Variants in MIOS observed in about 807,000 individuals in gnomAD.
The protein encoded by MIOS is meiosis regulator for oocyte development, also known as GATOR2 complex protein MIOS.
MIOS carries 52 observed loss-of-function variants against 96.9 expected under a neutral mutation model. The observed-to-expected ratio is 0.54, with a 90% CI of 0.43 to 0.68. The LOEUF (loss-of-function observed/expected upper bound fraction) is 0.68. Among genes scored for constraint, MIOS ranks in the 30% least tolerant of loss-of-function variants. The pLI, the probability that MIOS is intolerant of heterozygous loss-of-function variation, is 0.00. For synonymous variants in MIOS, 397 were observed against 359.5 expected (o/e 1.10, Z -1.18); for missense variants, 1,005 against 1,052.8 (o/e 0.95, Z 0.63).
intron 11 of MIOS, among the ~76,000 whole-genome samples, chr7:7,599,317 TC>T (rs1784303167): frequency 6.6e-6 from 1 of 152,188 alleles, no homozygotes; most frequent in Non-Finnish European, 1.5e-5. Context: ...GCTTTAGACT[TC>T]CCTCAAGGTG....
At position 7,607,207 on chromosome 7, in the gene MIOS, T is replaced by C. The variant is rs2115520007; in HGVS notation, c.*115T>C. On this transcript the variant is annotated 3_prime_UTR_variant, in exon 13 of 13. Coordinates refer to ENST00000340080, the MANE Select transcript of MIOS (RefSeq NM_019005.4). ...TCATGACTTACCTGTAATGGGAAAATAAATCATTCTATCAGATCAGCAGTT... is the reference window on the plus strand; with the variant it reads ...TCATGACTTACCTGTAATGGGAAAACAAATCATTCTATCAGATCAGCAGTT... The C allele has an allele frequency of 1.5e-6, 1 of 689,388 alleles. No homozygotes were observed. The highest frequency in any genetic ancestry group is 2.6e-4 in the Middle Eastern group (1 of 3,892). 42.7% of individuals were successfully genotyped at this position (689,388 alleles called of 1,614,324 possible).
Position 7,587,480 on chromosome 7 carries a change from T to A in MIOS, c.1819-1018T>A, listed in dbSNP as rs1373380304. ...GCTATTTAAAAAATGTTAATAGTAA[T>A]GTGAAAAGTACTGAATTGGGAAGTC... On this transcript the variant is annotated intron_variant, in intron 7 of 12. Transcript: ENST00000340080. Among the ~76,000 whole-genome samples the A allele has an allele frequency of 3.3e-5, 5 of 152,340 alleles. No individual in the cohort carries two copies. In the East Asian group the frequency reaches 7.7e-4, roughly 23 times the overall value.
At chr7:7,588,916 T>G (rs1783968181) in intron 8 of MIOS, among the ~76,000 whole-genome samples, 1 of 152,106 alleles carries the variant, frequency 6.6e-6, no homozygotes, top group Non-Finnish European at 1.5e-5. Context: ...GAAATGCATG[T>G]AAACAACCAG....
Position 7,572,936 on chromosome 7 carries a change from A to C in MIOS, c.461A>C (p.Asp154Ala). The part of the protein sequence containing the change: ...IWDICSKYTP[D>A]IVPMEKVKLS... ...GATATCTGCAGCAAATATACTCCTG[A>C]TATAGTTCCCATGGAAAAAGTGAAA... The change falls in exon 4 of 13, where the codon GAT (aspartate) becomes GCT (alanine). Residue 154 changes from aspartate (D) to alanine (A), a missense_variant. Asp to Ala is a moderately radical substitution (Grantham distance 126). Transcript: ENST00000340080. The surrounding 1 kb of genome is among the most constrained non-coding windows in gnomAD (Gnocchi z 4.8). 6.2e-7 allele frequency: 1 copy of C among 1,614,142 alleles called. No individual in the cohort carries two copies. Among genetic ancestry groups the C allele is most frequent in the Non-Finnish European group, 8.5e-7 (1 of 1,180,006 alleles).
intron 11 of MIOS, among the ~76,000 whole-genome samples, chr7:7,603,205 A>G (rs1321356822): frequency 7.9e-5 from 12 of 152,052 alleles, no homozygotes; most frequent in Middle Eastern, 3.2e-3. Context: ...AAAAGCCAAA[A>G]TTGACAAATG....
intron 5 of MIOS, among the ~76,000 whole-genome samples, chr7:7,577,197 G>A (rs898066530): frequency 2.6e-5 from 4 of 152,172 alleles, no homozygotes; most frequent in Non-Finnish European, 4.4e-5. Context: ...GACAAAAACC[G>A]CAATCACTTT....
rs765448861 is a variant in MIOS at position 7,573,125 on chromosome 7, G to T, written c.650G>T (p.Ser217Ile). ...NLAIFDLRNT[S>I]QKMFVNTKAV... is the part of the protein sequence containing the mutation. ...GCTATATTTGATCTTCGGAATACAA[G>T]CCAAAAGATGTTCGTAAATACAAAA... Residue 217 changes from serine (S) to isoleucine (I), a missense_variant, in exon 4 of 13, where the codon AGC becomes ATC. Physicochemically the swap from Ser to Ile is moderately radical, Grantham distance 142. Coordinates refer to ENST00000340080, the MANE Select transcript of MIOS (RefSeq NM_019005.4). The surrounding 1 kb of genome is among the most constrained non-coding windows in gnomAD (Gnocchi z 5.0). 6.2e-7 allele frequency: 1 copy of T among 1,613,932 alleles called. No individual in the cohort carries two copies. The highest frequency in any genetic ancestry group is 1.3e-5 in the African/African-American group (1 of 74,878).
At chr7:7,567,800 G>T (rs1783195940) in intron 2 of MIOS, 112 bp downstream of exon 2, 1 of 152,202 alleles carries the variant, frequency 6.6e-6, no homozygotes, top group Non-Finnish European at 1.5e-5. Context: ...GGATTGAGAT[G>T]TGCTATAAGT....
At chr7:7,606,163 A>G in intron 12 of MIOS, 92 bp downstream of exon 12, 1 of 1,494,636 alleles carries the variant, frequency 6.7e-7, no homozygotes, top group East Asian at 2.3e-5. Flanking sequence ...ATTAGCATTT[A>G]GCCAAAGTAT....
chr7:7,595,908 A>G (rs778339558), intron 10 of MIOS, among the ~76,000 whole-genome samples: 1 of 152,198 alleles, frequency 6.6e-6, no homozygotes, highest in African/African-American at 2.4e-5. Context: ...TGTTCAGAAG[A>G]TTATATCACT....
intron 12 of MIOS, 94 bp downstream of exon 12, chr7:7,606,165 C>A: frequency 2.0e-6 from 3 of 1,472,470 alleles, no homozygotes; most frequent in Non-Finnish European, 2.8e-6. Flanking sequence ...TAGCATTTAG[C>A]CAAAGTATGA....
rs963206097 is a variant in MIOS, at chr7:7,572,265, T to G, written c.-40-171T>G. Among the ~76,000 whole-genome samples, 1 of 152,210 alleles carries G rather than the reference T, an allele frequency of 6.6e-6. No individual in the cohort carries two copies. The highest frequency in any genetic ancestry group is 1.9e-4 in the East Asian group (1 of 5,204). On this transcript the variant is annotated intron_variant, in intron 3 of 12. Coordinates refer to ENST00000340080, the MANE Select transcript of MIOS (RefSeq NM_019005.4). The surrounding 1 kb of genome is among the most constrained non-coding windows in gnomAD (Gnocchi z 4.8). ...TGGAAGTGGTTGTTCTTTCTCCTTT[T>G]TTTTCAATAAATATTTTCTTGAATT... is the stretch of plus-strand genomic sequence containing the variant.
chr7:7,594,177 G>C (rs1583649280), intron 9 of MIOS, among the ~76,000 whole-genome samples: 2 of 152,150 alleles, frequency 1.3e-5, no homozygotes, highest in East Asian at 3.8e-4. Context: ...GCAAGAGTAA[G>C]AATAGACAGG....
intron 11 of MIOS, among the ~76,000 whole-genome samples, chr7:7,598,141 T>C (rs1784271172): frequency 6.6e-6 from 1 of 152,178 alleles, no homozygotes; most frequent in South Asian, 2.1e-4. Context: ...ATTAAAATCA[T>C]TTTGGGTATT....
At chr7:7,575,453 G>C (rs1306551867) in intron 5 of MIOS, among the ~76,000 whole-genome samples, 2 of 152,008 alleles carry the variant, frequency 1.3e-5, no homozygotes, top group Admixed American at 6.6e-5. Context: ...ATAGTAAAAT[G>C]AATAAGTTTA....
chr7:7,596,963 G>C (rs1012830758), intron 11 of MIOS, among the ~76,000 whole-genome samples: 1 of 152,060 alleles, frequency 6.6e-6, no homozygotes, highest in Non-Finnish European at 1.5e-5. Flanking sequence ...GAGAGGCCAG[G>C]GTGGAAGGAT....
chr7:7,581,786 T>C (rs1375105220), intron 5 of MIOS: 1 of 152,220 alleles, frequency 6.6e-6, no homozygotes, highest in Non-Finnish European at 1.5e-5. Context: ...GCAGGAGATC[T>C]GTCTCCTGCT....
At chr7:7,601,930 A>G (rs1052852286) in intron 11 of MIOS, among the ~76,000 whole-genome samples, 1 of 152,216 alleles carries the variant, frequency 6.6e-6, no homozygotes, top group African/African-American at 2.4e-5. Flanking sequence ...ACGAAAATCA[A>G]TAAATGTAAT....
At chr7:7,597,756 T>C (rs1294932366) in intron 11 of MIOS, among the ~76,000 whole-genome samples, 1 of 151,778 alleles carries the variant, frequency 6.6e-6, no homozygotes, top group African/African-American at 2.4e-5. Flanking sequence ...TAGAATGCAG[T>C]GGCATGATCT....
Sources: gnomAD v4.1 joint callset for allele counts (sites outside exome capture counted in the v4.1 genomes callset) on GRCh38, gnomAD v4.1.1 for gene constraint, Gnocchi (gnomAD v3.1) non-coding constraint, MANE v1.5 for transcripts, NCBI Gene and HGNC (gene_info 2026-07-23, HGNC 2026-07-21) for gene names.